Variants in SIPA1L1 observed in about 807,000 individuals in gnomAD.
SIPA1L1 encodes signal-induced proliferation-associated 1-like protein 1.
A neutral mutation model predicts 162.7 loss-of-function variants in SIPA1L1; 26 were observed. That is an observed-to-expected ratio of 0.16 (90% CI 0.12 to 0.22). SIPA1L1 has a LOEUF of 0.22. Among genes scored for constraint, SIPA1L1 ranks in the 10% least tolerant of loss-of-function variants. The probability of loss-of-function intolerance (pLI) is 1.00; values close to 1 mark genes in which losing one functional copy is unlikely to be tolerated. For synonymous variants in SIPA1L1, 829 were observed against 837.4 expected (o/e 0.99, Z 0.17); for missense variants, 1,874 against 2,241.0 (o/e 0.84, Z 3.31).
chr14:71,616,448 A>G (rs1567319571), intron 5 of SIPA1L1, among the ~76,000 whole-genome samples: 2 of 152,152 alleles, frequency 1.3e-5, no homozygotes, highest in African/African-American at 4.8e-5. Context: ...GACAGGTCGT[A>G]AGGAGTTGAG....
chr14:71,581,023 T>C (rs1043204222), intron 4 of SIPA1L1, among the ~76,000 whole-genome samples: 1 of 152,214 alleles, frequency 6.6e-6, no homozygotes, highest in African/African-American at 2.4e-5. Flanking sequence ...ATTTGTAATG[T>C]ATTTTCAGTT....
intron 5 of SIPA1L1, among the ~76,000 whole-genome samples, chr14:71,590,041 AAAAATATATAT>A (rs1252096114): frequency 3.5e-4 from 24 of 69,194 alleles, no homozygotes; most frequent in South Asian, 1.4e-3. Context: ...AAAAAAAAAA[AAAAATATATAT>A]ATATATATAT....
chr14:71,738,078 T>C (rs2085457999), intron 22 of SIPA1L1, among the ~76,000 whole-genome samples, 163 bp from the exon 23 acceptor site: 1 of 152,018 alleles, frequency 6.6e-6, no homozygotes, highest in Non-Finnish European at 1.5e-5. Flanking sequence ...CCATTTTCTT[T>C]TTTAAAGTAA....
chr14:71,734,968 G>C (rs2085151646), intron 21 of SIPA1L1, among the ~76,000 whole-genome samples: 1 of 152,130 alleles, frequency 6.6e-6, no homozygotes, highest in Admixed American at 6.5e-5. Context: ...GGAAAGCCTT[G>C]GTCTGGAAAT....
chr14:71,636,695 A>G (rs2041180842), intron 7 of SIPA1L1, among the ~76,000 whole-genome samples: 2 of 152,252 alleles, frequency 1.3e-5, no homozygotes, highest in South Asian at 4.1e-4. Context: ...GGTATAGATC[A>G]GAAATCAATG....
At chr14:71,563,868 T>A (rs560661985) in intron 4 of SIPA1L1, among the ~76,000 whole-genome samples, 1 of 152,234 alleles carries the variant, frequency 6.6e-6, no homozygotes, top group Non-Finnish European at 1.5e-5. Context: ...TTTCTTCTTA[T>A]ACTGCAGTGT....
intron 17 of SIPA1L1, among the ~76,000 whole-genome samples, chr14:71,712,502 C>T (rs968031853): frequency 6.6e-6 from 1 of 151,630 alleles, no homozygotes; most frequent in African/African-American, 2.4e-5. Flanking sequence ...GGCTGTTTCA[C>T]TTTCAGATCT....
intron 2 of SIPA1L1, among the ~76,000 whole-genome samples, chr14:71,463,899 GCCC>G (rs2046793587): frequency 6.6e-6 from 1 of 152,190 alleles, no homozygotes; most frequent in South Asian, 2.1e-4. Flanking sequence ...TGCCTCTGCT[GCCC>G]ATTGTGGTAG....
Position 71,438,817 on chromosome 14 carries a change from C to A in SIPA1L1, c.-464-73926C>A, listed in dbSNP as rs117280163. On this transcript the variant is annotated intron_variant, in intron 2 of 23. Transcript: ENST00000381232. ...TTAGATTGGTGCCTGGGTTTTGGGT[C>A]ATGCTCTCATGTGCTTCTGCCTGCA... Among the ~76,000 whole-genome samples, 14 of 152,294 alleles carry A rather than the reference C, an allele frequency of 9.2e-5. No homozygotes were observed. The East Asian group carries it at 2.7e-3, about 29-fold the overall frequency.
chr14:71,416,377 G>T (rs1018667630), intron 2 of SIPA1L1: 5 of 146,368 alleles, frequency 3.4e-5, no homozygotes, highest in Non-Finnish European at 7.6e-5. Flanking sequence ...AATGGTTTTT[G>T]TTTTTTTTTT....
At chr14:71,715,297 T>C (rs2083185671) in intron 17 of SIPA1L1, among the ~76,000 whole-genome samples, 1 of 152,260 alleles carries the variant, frequency 6.6e-6, no homozygotes, top group Admixed American at 6.5e-5. Flanking sequence ...GTCCCTCATC[T>C]GTAATCTAGG....
chr14:71,640,825 G>A (rs776382276), intron 7 of SIPA1L1, among the ~76,000 whole-genome samples: 21 of 151,966 alleles, frequency 1.4e-4, no homozygotes, highest in Non-Finnish European at 2.6e-4. Flanking sequence ...GGGTTTCACT[G>A]TGTTGGCCAA....
chr14:71,457,682 C>T (rs923053045), intron 2 of SIPA1L1, among the ~76,000 whole-genome samples: 1 of 151,998 alleles, frequency 6.6e-6, no homozygotes, highest in Admixed American at 6.6e-5. Context: ...GCAACCTCCG[C>T]CTCCCAGGTT....
intron 5 of SIPA1L1, among the ~76,000 whole-genome samples, chr14:71,601,229 T>C (rs1271628050): frequency 6.6e-6 from 1 of 152,186 alleles, no homozygotes; most frequent in Non-Finnish European, 1.5e-5. Flanking sequence ...TAGCTGTGGG[T>C]TGGTCATATA....
At position 71,325,039 on chromosome 14, in the gene SIPA1L1, G is replaced by A. The variant is rs561206158; in HGVS notation, c.-465+3858G>A. ...TGGGTGAATGCCCTTGAGGTGAGGG[G>A]GTTTCCTTCTTCCGGGAGAGATAAG... On this transcript the variant is annotated intron_variant, in intron 2 of 23. Coordinates refer to ENST00000381232, the MANE Select transcript of SIPA1L1 (RefSeq NM_001386936.1). 3.9e-5 allele frequency among the ~76,000 whole-genome samples: 6 copies of A among 152,162 alleles called. No individual in the cohort carries two copies. The East Asian group carries it at 9.7e-4, about 25-fold the overall frequency.
At chr14:71,556,423 G>A (rs994695610) in intron 4 of SIPA1L1, among the ~76,000 whole-genome samples, 2 of 152,156 alleles carry the variant, frequency 1.3e-5, no homozygotes, top group African/African-American at 4.8e-5. Flanking sequence ...GATTCCACAG[G>A]TTGGGGGCTC....
chr14:71,547,111 C>G (rs892970768), intron 4 of SIPA1L1, among the ~76,000 whole-genome samples: 6 of 151,614 alleles, frequency 4.0e-5, no homozygotes, highest in African/African-American at 7.3e-5. Flanking sequence ...CTCTTTAGCT[C>G]TTGGTGGTAG....
At chr14:71,372,320 C>G (rs1222148134) in intron 2 of SIPA1L1, among the ~76,000 whole-genome samples, 2 of 152,238 alleles carry the variant, frequency 1.3e-5, no homozygotes, top group Middle Eastern at 3.4e-3. Context: ...TACATTTAAA[C>G]AAAATTCTCA....
At chr14:71,479,591 A>T (rs1041476994) in intron 2 of SIPA1L1, among the ~76,000 whole-genome samples, 1 of 151,464 alleles carries the variant, frequency 6.6e-6, no homozygotes, top group Admixed American at 6.6e-5. Flanking sequence ...TATTTTAAAT[A>T]GAGACAAGGT....
Sources: allele counts gnomAD v4.1 joint callset (sites outside exome capture counted in the v4.1 genomes callset), GRCh38; gene constraint gnomAD v4.1.1; transcripts MANE v1.5; gene names NCBI Gene and HGNC (gene_info 2026-07-23, HGNC 2026-07-21).